STK32B: variants seen among roughly 807,000 people sequenced by gnomAD.
The protein encoded by STK32B is serine/threonine kinase 32B, also known as serine/threonine-protein kinase 32B.
A neutral mutation model predicts 52.6 loss-of-function variants in STK32B; 43 were observed. The ratio of observed to expected loss-of-function variants is 0.82; its 90% CI spans 0.64 to 1.05. The LOEUF is 1.05. Among genes scored for constraint, STK32B ranks in the 50% least tolerant of loss-of-function variants. STK32B has a pLI of 0.00. For missense variants in STK32B, 621 were observed against 534.6 expected, an observed-to-expected ratio of 1.16 and a Z score of -1.59; for synonymous variants, 238 against 204.3, an observed-to-expected ratio of 1.17 and a Z score of -1.41.
intron 3 of STK32B, among the ~76,000 whole-genome samples, chr4:5,303,088 G>A (rs1338970975): frequency 2.0e-5 from 3 of 151,892 alleles, no homozygotes; most frequent in African/African-American, 7.3e-5. Context: ...TGATTGATGG[G>A]CATTTGGGCT....
chr4:5,226,819 A>G (rs1170916747), intron 3 of STK32B, among the ~76,000 whole-genome samples: 1 of 152,216 alleles, frequency 6.6e-6, no homozygotes, highest in Admixed American at 6.5e-5. Context: ...ACCTGGTTAT[A>G]TAGGGTTTGG....
At chr4:5,030,819 A>G in the STK32B span, among the ~76,000 whole-genome samples, 3 of 152,228 alleles carry the variant, frequency 2.0e-5, no homozygotes, top group African/African-American at 7.2e-5. Flanking sequence ...AGTAATTTAC[A>G]TGAATGCTAA....
In STK32B at chr4:5,453,226, A is replaced by G. The variant is rs1252716290; in HGVS notation, c.667-3581A>G. On this transcript the variant is annotated intron_variant, in intron 7 of 11. Transcript: ENST00000282908. The surrounding 1 kb of genome is among the most constrained non-coding windows in gnomAD (Gnocchi z 4.0). ...GGAGAGAGAATTACAGAGATTAGGG[A>G]GAGAGAGAGAGAGAGAGAGTAGCTC... 6.0e-5 allele frequency among the ~76,000 whole-genome samples: 4 copies of G among 66,154 alleles called. No individual in the cohort carries two copies. The highest frequency in any genetic ancestry group is 1.8e-4 in the African/African-American group (4 of 22,200). The allele number at this position is 66,154 out of a possible 152,430, so 43.4% of individuals were successfully genotyped here. A position where few individuals can be genotyped will look rare whatever the true frequency, so the allele number is the denominator to read the frequency against.
upstream of STK32B, among the ~76,000 whole-genome samples, chr4:5,047,266 C>T (rs1741637240): frequency 6.6e-6 from 1 of 151,648 alleles, no homozygotes; most frequent in Non-Finnish European, 1.5e-5. Flanking sequence ...CATGTTCTCA[C>T]TCATAAGTGG....
chr4:5,161,231 A>G (rs573719577), intron 2 of STK32B, among the ~76,000 whole-genome samples: 18 of 152,324 alleles, frequency 1.2e-4, no homozygotes, highest in African/African-American at 4.1e-4. Context: ...GATCCCTCCA[A>G]TGAGACCACC....
At chr4:5,299,314 G>C (rs1366099480) in intron 3 of STK32B, among the ~76,000 whole-genome samples, 2 of 152,054 alleles carry the variant, frequency 1.3e-5, no homozygotes, top group South Asian at 2.1e-4. Context: ...GAAGGAAACA[G>C]GAAGCACAAA....
At chr4:5,032,921 C>G in the STK32B span, among the ~76,000 whole-genome samples, 5 of 152,300 alleles carry the variant, frequency 3.3e-5, no homozygotes, top group African/African-American at 1.2e-4. Flanking sequence ...CCGGCTCTTT[C>G]CCTTCCCAGC....
intron 3 of STK32B, among the ~76,000 whole-genome samples, chr4:5,231,075 A>G (rs1015085027): frequency 6.6e-6 from 1 of 152,198 alleles, no homozygotes; most frequent in Non-Finnish European, 1.5e-5. Context: ...AGTGGCTCAC[A>G]TCACCTGCCA....
chr4:5,247,743 A>G (rs1025854488), intron 3 of STK32B, among the ~76,000 whole-genome samples: 1 of 152,134 alleles, frequency 6.6e-6, no homozygotes, highest in Admixed American at 6.6e-5. Context: ...TTCTTAGGGA[A>G]GCCTTTTTTT....
At chr4:5,270,915 A>G (rs1727381249) in intron 3 of STK32B, among the ~76,000 whole-genome samples, 1 of 152,180 alleles carries the variant, frequency 6.6e-6, no homozygotes, top group Non-Finnish European at 1.5e-5. Context: ...ACAAAATCAA[A>G]AACTGAATTT....
intron 3 of STK32B, among the ~76,000 whole-genome samples, chr4:5,254,059 A>G (rs2108836171): frequency 6.6e-6 from 1 of 152,330 alleles, no homozygotes; most frequent in Non-Finnish European, 1.5e-5. Flanking sequence ...TGTTGGGATT[A>G]CAGGCGTGAG....
chr4:5,307,474 G>C (rs866755160), intron 3 of STK32B, among the ~76,000 whole-genome samples: 1 of 149,458 alleles, frequency 6.7e-6, no homozygotes, highest in African/African-American at 2.5e-5. Flanking sequence ...TTGTGTTCTT[G>C]ATTTCCAGAA....
At chr4:5,224,565 G>T (rs951168232) in intron 3 of STK32B, among the ~76,000 whole-genome samples, 2 of 152,114 alleles carry the variant, frequency 1.3e-5, no homozygotes. Flanking sequence ...ATTTGCTGCT[G>T]GTCTTTTCCT....
rs138950121 is a variant in STK32B at position 5,333,462 on chromosome 4, C to A, written c.434+2069C>A. Among the ~76,000 whole-genome samples, 1,222 of 152,244 alleles carry A rather than the reference C, an allele frequency of 8.0e-3. 23 individuals are homozygous for A. Among genetic ancestry groups the A allele is most frequent in the African/African-American group, 0.021 (871 of 41,538 alleles). ...CTCTGATGGTAGTTTCTTTGCTGTG[C>A]AGAAGCTCTTTAGTTTAATGAGATC... On this transcript the variant is annotated intron_variant, in intron 4 of 11. Transcript: ENST00000282908.
At chr4:5,382,667 G>A (rs988587926) in intron 4 of STK32B, among the ~76,000 whole-genome samples, 16 of 152,154 alleles carry the variant, frequency 1.1e-4, no homozygotes, top group African/African-American at 3.9e-4. Flanking sequence ...GTAAGACTCT[G>A]TCTGGTATTT....
intron 3 of STK32B, among the ~76,000 whole-genome samples, chr4:5,242,185 TCCC>T (rs2108818749): frequency 6.6e-6 from 1 of 152,304 alleles, no homozygotes; most frequent in South Asian, 2.1e-4. Context: ...TAGTTTACAG[TCCC>T]ACCAACAGTG....
intron 3 of STK32B, among the ~76,000 whole-genome samples, chr4:5,263,946 CA>C (rs1726890248): frequency 6.6e-6 from 1 of 152,180 alleles, no homozygotes; most frequent in African/African-American, 2.4e-5. Context: ...GCTTCTTTCA[CA>C]AGCATAATGT....
At chr4:5,478,557 A>C (rs2109191967) in intron 11 of STK32B, among the ~76,000 whole-genome samples, 1 of 152,292 alleles carries the variant, frequency 6.6e-6, no homozygotes, top group Non-Finnish European at 1.5e-5. Flanking sequence ...TTAAAAGTGG[A>C]ACTGCCAGTT....
At chr4:5,325,515 G>T (rs556375621) in intron 3 of STK32B, among the ~76,000 whole-genome samples, 7 of 152,056 alleles carry the variant, frequency 4.6e-5, no homozygotes, top group African/African-American at 1.2e-4. Flanking sequence ...TCTGTGACTT[G>T]ATCTTTGTCT....
Sources: allele counts gnomAD v4.1 joint callset (sites outside exome capture counted in the v4.1 genomes callset), GRCh38; gene constraint gnomAD v4.1.1; non-coding constraint Gnocchi (gnomAD v3.1); transcripts MANE v1.5; gene names NCBI Gene and HGNC (gene_info 2026-07-23, HGNC 2026-07-21).